NXPE2: variants seen among roughly 807,000 people sequenced by gnomAD.
NXPE2 encodes NXPE family member 2.
NXPE2 carries 34 observed loss-of-function variants against 34.4 expected under a neutral mutation model. The observed-to-expected ratio is 0.99, with a 90% confidence interval of 0.75 to 1.31. The LOEUF is 1.31. Ranked by LOEUF, NXPE2 falls within the 40% of genes most tolerant of loss-of-function variation. The probability of loss-of-function intolerance (pLI) is 0.00; values close to 1 mark genes in which losing one functional copy is unlikely to be tolerated. For synonymous variants in NXPE2, 235 were observed against 231.3 expected (o/e 1.02, Z -0.15); for missense variants, 649 against 672.5 (o/e 0.97, Z 0.39).
the NXPE2 span, among the ~76,000 whole-genome samples, chr11:114,773,760 C>G: frequency 6.6e-6 from 1 of 152,186 alleles, no homozygotes; most frequent in Admixed American, 6.5e-5. Flanking sequence ...TGTTGAGGGC[C>G]TAAGTAGAAC....
chr11:114,632,742 ATATAT>A, the NXPE2 span, among the ~76,000 whole-genome samples: 6 of 16,794 alleles, frequency 3.6e-4, no homozygotes, highest in South Asian at 1.8e-3. Context: ...TATATATAAA[ATATAT>A]TATAATATAT....
At chr11:114,582,884 T>C in the NXPE2 span, 3 of 1,614,120 alleles carry the variant, frequency 1.9e-6, no homozygotes, top group Non-Finnish European at 2.5e-6. Flanking sequence ...GCTGATCTAG[T>C]TTCTCTATGA....
At chr11:114,628,868 C>T in the NXPE2 span, among the ~76,000 whole-genome samples, 1 of 151,996 alleles carries the variant, frequency 6.6e-6, no homozygotes, top group East Asian at 1.9e-4. Context: ...GAAATACAAA[C>T]TACCATCAGA....
At chr11:114,653,265 A>T in the NXPE2 span, among the ~76,000 whole-genome samples, 1 of 152,244 alleles carries the variant, frequency 6.6e-6, no homozygotes, top group African/African-American at 2.4e-5. Flanking sequence ...AACATTATAA[A>T]AATGTTCTAT....
At chr11:114,647,712 T>A in the NXPE2 span, among the ~76,000 whole-genome samples, 2 of 151,944 alleles carry the variant, frequency 1.3e-5, no homozygotes, top group African/African-American at 4.8e-5. Context: ...TTTATTTTTT[T>A]TTTTTTTGAG....
the NXPE2 span, among the ~76,000 whole-genome samples, chr11:114,636,096 G>C: frequency 4.9e-4 from 2 of 4,086 alleles, no homozygotes; most frequent in African/African-American, 6.9e-3. Flanking sequence ...ATCTGGTCCT[G>C]GACTCTTTCG....
chr11:114,674,306 C>T (rs1317426659), upstream of NXPE2, among the ~76,000 whole-genome samples: 1 of 151,390 alleles, frequency 6.6e-6, no homozygotes, highest in Non-Finnish European at 1.5e-5. Context: ...ATAAAAATAA[C>T]ACAATGGGAA....
the NXPE2 span, among the ~76,000 whole-genome samples, chr11:114,546,195 C>G: frequency 1.3e-5 from 2 of 152,174 alleles, no homozygotes; most frequent in African/African-American, 4.8e-5. Context: ...CATATAAGCA[C>G]TGTACTCTCA....
the NXPE2 span, among the ~76,000 whole-genome samples, chr11:114,575,509 T>C: frequency 2.6e-5 from 4 of 151,810 alleles, no homozygotes; most frequent in African/African-American, 9.7e-5. Context: ...GATACAAAAT[T>C]AATATACACA....
At chr11:114,760,306 A>G in the NXPE2 span, among the ~76,000 whole-genome samples, 2 of 152,304 alleles carry the variant, frequency 1.3e-5, no homozygotes, top group African/African-American at 4.8e-5. Context: ...TCTATGAGGA[A>G]CAGGCCTTCA....
At chr11:114,776,957 A>G in the NXPE2 span, among the ~76,000 whole-genome samples, 1 of 152,216 alleles carries the variant, frequency 6.6e-6, no homozygotes, top group Non-Finnish European at 1.5e-5. Flanking sequence ...CTTAATAGCC[A>G]TTTGAAAACA....
the NXPE2 span, among the ~76,000 whole-genome samples, chr11:114,745,981 A>T: frequency 3.1e-4 from 47 of 152,232 alleles, no homozygotes; most frequent in African/African-American, 1.1e-3. Context: ...ATTTAAATAT[A>T]TTATGATAAC....
chr11:114,727,720 T>C, the NXPE2 span, among the ~76,000 whole-genome samples: 4 of 151,420 alleles, frequency 2.6e-5, no homozygotes, highest in Non-Finnish European at 5.9e-5. Context: ...TGGCTTACTA[T>C]TTAGGAAGAT....
At chr11:114,495,605 T>C in the NXPE2 span, among the ~76,000 whole-genome samples, 1 of 151,862 alleles carries the variant, frequency 6.6e-6, no homozygotes, top group South Asian at 2.1e-4. Flanking sequence ...CCACCACAGC[T>C]GAGAATGTGC....
the NXPE2 span, among the ~76,000 whole-genome samples, chr11:114,731,671 C>A: frequency 2.0e-5 from 3 of 151,972 alleles, no homozygotes; most frequent in Non-Finnish European, 4.4e-5. Context: ...CATGAGATGA[C>A]AAAATTATTA....
the NXPE2 span, among the ~76,000 whole-genome samples, chr11:114,630,123 TAC>T: frequency 6.6e-6 from 1 of 151,758 alleles, no homozygotes; most frequent in Admixed American, 6.6e-5. Flanking sequence ...TTCAATGCTG[TAC>T]CCATCAAGCT....
At chr11:114,593,198 T>C in the NXPE2 span, among the ~76,000 whole-genome samples, 1 of 152,060 alleles carries the variant, frequency 6.6e-6, no homozygotes, top group African/African-American at 2.4e-5. Context: ...AACTAAAAAC[T>C]TCTTCACAGC....
At chr11:114,810,889 A>G in the NXPE2 span, among the ~76,000 whole-genome samples, 3 of 152,116 alleles carry the variant, frequency 2.0e-5, no homozygotes, top group Non-Finnish European at 4.4e-5. Flanking sequence ...ACATGCACAC[A>G]TATGTTTATA....
chr11:114,635,719 T>A, the NXPE2 span, among the ~76,000 whole-genome samples: 1 of 152,090 alleles, frequency 6.6e-6, no homozygotes, highest in Admixed American at 6.6e-5. Context: ...TCTATTGAGA[T>A]AATCATGTGG....
Sources: allele counts gnomAD v4.1 joint callset (sites outside exome capture counted in the v4.1 genomes callset), GRCh38; gene constraint gnomAD v4.1.1; transcripts MANE v1.5; gene names NCBI Gene and HGNC (gene_info 2026-07-23, HGNC 2026-07-21).